Variants in ZNF827 observed in about 807,000 individuals in gnomAD.
ZNF827 encodes the protein zinc finger protein 827.
ZNF827 carries 13 observed loss-of-function variants against 102.4 expected under a neutral mutation model. The observed-to-expected ratio is 0.13, with a 90% CI of 0.08 to 0.20. The LOEUF is 0.20. ZNF827 is among the 10% of genes least tolerant of loss of function. ZNF827 has a pLI of 1.00. For synonymous variants in ZNF827, 523 were observed against 536.2 expected (o/e 0.98, Z 0.34); for missense variants, 1,103 against 1,344.4 (o/e 0.82, Z 2.81).
intron 7 of ZNF827, among the ~76,000 whole-genome samples, chr4:145,829,145 G>A (rs1033664454): frequency 6.9e-6 from 1 of 144,842 alleles, no homozygotes; most frequent in Non-Finnish European, 1.5e-5. Flanking sequence ...AGGAGCAATA[G>A]AGAAGAAACA....
chr4:145,858,641 CA>C (rs57745840), intron 5 of ZNF827, among the ~76,000 whole-genome samples: 13,031 of 92,944 alleles, frequency 0.14, 1,143 homozygotes, highest in African/African-American at 0.35. Context: ...GACCCTGTCT[CA>C]AAAAAAAAAA....
intron 7 of ZNF827, among the ~76,000 whole-genome samples, chr4:145,830,276 T>G (rs936152711): frequency 1.5e-4 from 12 of 77,466 alleles, no homozygotes; most frequent in Non-Finnish European, 2.5e-4. Context: ...AAAAAAAGTG[T>G]TTTTTTTTTA....
At chr4:145,834,037 C>T (rs537512101) in intron 7 of ZNF827, among the ~76,000 whole-genome samples, 35 of 152,212 alleles carry the variant, frequency 2.3e-4, no homozygotes, top group African/African-American at 8.2e-4. Flanking sequence ...ACTCCCTTGG[C>T]CTGTGTTCTC....
At chr4:145,874,608 T>C (rs548990381) in intron 4 of ZNF827, among the ~76,000 whole-genome samples, 2 of 152,316 alleles carry the variant, frequency 1.3e-5, no homozygotes, top group African/African-American at 4.8e-5. Flanking sequence ...TTCAAGATGT[T>C]TTCTTTTTCT....
chr4:145,765,874 C>T lies in ZNF827; in HGVS notation c.2861-136G>A, dbSNP rs1735212312. The T allele has an allele frequency of 2.4e-6, 2 of 829,712 alleles. No homozygotes were observed. Among genetic ancestry groups the T allele is most frequent in the Non-Finnish European group, 1.8e-6 (1 of 552,532 alleles). 51.4% of individuals were successfully genotyped at this position (829,712 alleles called of 1,614,324 possible). A position where few individuals can be genotyped will look rare whatever the true frequency, so the allele number is the denominator to read the frequency against. ...CAGGCTCATGTCCCCAGCTCCCCCACTGCTGGGGGATCCCAGGTCCTAAGG... is the reference window on the plus strand; with the variant it reads ...CAGGCTCATGTCCCCAGCTCCCCCATTGCTGGGGGATCCCAGGTCCTAAGG... On this transcript the variant is annotated intron_variant, in intron 11 of 14. Transcript: ENST00000508784. This position sits in a 1 kb window ranked among gnomAD's most constrained non-coding sequence, Gnocchi z 4.7.
At chr4:145,794,850 A>G (rs1740213542) in intron 8 of ZNF827, among the ~76,000 whole-genome samples, 2 of 152,228 alleles carry the variant, frequency 1.3e-5, no homozygotes, top group Admixed American at 6.5e-5. Context: ...ATAACACCAT[A>G]TCCCAAATAT....
intron 2 of ZNF827, among the ~76,000 whole-genome samples, chr4:145,895,919 C>CA (rs1750938177): frequency 6.6e-6 from 1 of 152,184 alleles, no homozygotes; most frequent in African/African-American, 2.4e-5. Context: ...ACCTAGTTTA[C>CA]AACTGCCTAA....
Position 145,763,159 on chromosome 4 carries a change from G to C in ZNF827, c.3231-37C>G. On this transcript the variant is annotated intron_variant, in intron 13 of 14. Transcript: ENST00000508784. This position sits in a 1 kb window ranked among gnomAD's most constrained non-coding sequence, Gnocchi z 4.6. ...GAAAAATAATAGTATAATCTTATTT[G>C]ATCTGCATTATGAACAGGATATAGA... 2 of 1,533,514 alleles carry C rather than the reference G, an allele frequency of 1.3e-6. No homozygotes were observed. The highest frequency in any genetic ancestry group is 1.7e-6 in the Non-Finnish European group (2 of 1,144,730). 95.0% of individuals were successfully genotyped at this position (1,533,514 alleles called of 1,614,324 possible). A position where few individuals can be genotyped will look rare whatever the true frequency, so the allele number is the denominator to read the frequency against.
rs543962385 is a variant in ZNF827 at position 145,931,916 on chromosome 4, C to T, written c.43+6449G>A. Among the ~76,000 whole-genome samples the T allele has an allele frequency of 7.9e-5, 12 of 152,292 alleles. No individual in the cohort carries two copies. In the East Asian group the frequency reaches 2.3e-3, roughly 29 times the overall value. On this transcript the variant is annotated intron_variant, in intron 1 of 14. Transcript: ENST00000508784. ...TGCAGTCTGAATGTTGGTGTCCCCC[C>T]CAAATTCATGTTGAAACTTAATCCC...
chr4:145,902,204 G>C lies in ZNF827; in HGVS notation c.1055C>G (p.Pro352Arg). The change falls in exon 2 of 15, where the codon CCA becomes CGA. Residue 352 changes from proline (P) to arginine (R), a missense_variant. Around this residue, in one of 5 missense-constraint regions of ZNF827, gnomAD observed 441 missense variants for 458.6 expected, o/e 0.96. Coordinates refer to ENST00000508784, the MANE Select transcript of ZNF827 (RefSeq NM_001306215.2). The surrounding 1 kb of genome is among the most constrained non-coding windows in gnomAD (Gnocchi z 4.3). ...PPQSLELLLL[P>R]VPKGRVSKPS... The stretch of plus-strand genomic sequence containing the variant: ...TTTAGAAACTCTTCCCTTAGGAACT[G>C]GGAGTAATAATAATTCCAGGGATTG... The C allele has an allele frequency of 6.2e-7, 1 of 1,607,446 alleles. No individual in the cohort carries two copies. Among genetic ancestry groups the C allele is most frequent in the Admixed American group, 1.7e-5 (1 of 58,808 alleles).
chr4:145,848,724 T>G (rs1299403838), intron 6 of ZNF827, among the ~76,000 whole-genome samples: 2 of 152,196 alleles, frequency 1.3e-5, no homozygotes, highest in African/African-American at 4.8e-5. Flanking sequence ...CCTTAACTAT[T>G]TCATCCAGAC....
intron 3 of ZNF827, among the ~76,000 whole-genome samples, chr4:145,891,353 A>G (rs1300865929): frequency 1.3e-5 from 2 of 152,226 alleles, no homozygotes; most frequent in African/African-American, 4.8e-5. Flanking sequence ...AGTAAGTTGC[A>G]TAATAAGATT....
intron 8 of ZNF827, among the ~76,000 whole-genome samples, chr4:145,819,051 T>C (rs1021616775): frequency 6.6e-6 from 1 of 151,918 alleles, no homozygotes; most frequent in African/African-American, 2.4e-5. Flanking sequence ...TTGTGAGGGG[T>C]GCTGATGTTC....
chr4:145,800,526 C>A (rs1034003715), intron 8 of ZNF827, among the ~76,000 whole-genome samples: 2 of 152,096 alleles, frequency 1.3e-5, no homozygotes, highest in African/African-American at 4.8e-5. Flanking sequence ...CCACCTGCCT[C>A]GGTCTCCCAA....
intron 1 of ZNF827, among the ~76,000 whole-genome samples, chr4:145,936,661 C>A (rs1344513007): frequency 6.6e-6 from 1 of 152,108 alleles, no homozygotes; most frequent in Non-Finnish European, 1.5e-5. Context: ...GGGCAGGCAC[C>A]GCCGCGGTTA....
rs1018787436 is a variant in ZNF827 at position 145,870,593 on chromosome 4, G to T, written c.1748-115C>A. ...ATCACACTGTGCTAACAACCGGAGGGATCACAACCTCATCAGAACAGGCTG... is the reference window on the plus strand; with the variant it reads ...ATCACACTGTGCTAACAACCGGAGGTATCACAACCTCATCAGAACAGGCTG... On this transcript the variant is annotated intron_variant, in intron 4 of 14. Coordinates refer to ENST00000508784, the MANE Select transcript of ZNF827 (RefSeq NM_001306215.2). 7.9e-6 allele frequency: 7 copies of T among 890,828 alleles called. No homozygotes were observed. The African/African-American group carries it at 1.2e-4, about 15-fold the overall frequency. The allele number at this position is 890,828 out of a possible 1,614,324, so 55.2% of individuals were successfully genotyped here.
At chr4:145,766,481 C>T (rs920594447) in intron 11 of ZNF827, among the ~76,000 whole-genome samples, 23 of 152,182 alleles carry the variant, frequency 1.5e-4, no homozygotes, top group Admixed American at 7.9e-4. Context: ...TGATCAGTTT[C>T]CTGCCTTGAG....
rs1188557596 is a variant in ZNF827, at chr4:145,774,590, T to A, written c.2776A>T (p.Met926Leu). Residue 926 changes from methionine (M) to leucine (L), a missense_variant, in exon 11 of 15, where the codon ATG (methionine) becomes TTG (leucine). Met to Leu is a conservative substitution (Grantham distance 15). Coordinates refer to ENST00000508784, the MANE Select transcript of ZNF827 (RefSeq NM_001306215.2). Reference protein sequence around the residue: ...MSLHVDKEQWMFSICCTACDF... With the variant: ...MSLHVDKEQWLFSICCTACDF... ...CAGGCAGTGCAGCAGATCGAAAACA[T>A]CCACTGCTCCTTGTCCACGTGGAGT... 1 of 1,613,552 alleles carries A rather than the reference T, an allele frequency of 6.2e-7. No individual in the cohort carries two copies. The highest frequency in any genetic ancestry group is 1.7e-5 in the Admixed American group (1 of 59,956).
intron 1 of ZNF827, among the ~76,000 whole-genome samples, chr4:145,917,606 T>C (rs1015015219): frequency 3.6e-5 from 5 of 140,558 alleles, no homozygotes; most frequent in East Asian, 2.1e-4. Context: ...ACTCAAATCA[T>C]AGCACTTTGG....
Sources: gnomAD v4.1 joint callset for allele counts (sites outside exome capture counted in the v4.1 genomes callset) on GRCh38, gnomAD v4.1.1 for gene constraint, gnomAD v4.1.1 regional missense constraint, Gnocchi (gnomAD v3.1) non-coding constraint, MANE v1.5 for transcripts, NCBI Gene and HGNC (gene_info 2026-07-23, HGNC 2026-07-21) for gene names.